Variants in MROH1 observed in about 807,000 individuals in gnomAD.
MROH1 encodes maestro heat like repeat family member 1.
In MROH1, 117 loss-of-function variants were observed where a neutral mutation model predicts 116.5. That is an observed-to-expected ratio of 1.00 (90% CI 0.86 to 1.17). The LOEUF (loss-of-function observed/expected upper bound fraction) is 1.17. MROH1 is among the 50% of genes most tolerant of loss of function. MROH1 has a pLI of 0.00. For synonymous variants in MROH1, 921 were observed against 583.9 expected, an observed-to-expected ratio of 1.58 and a Z score of -8.32; for missense variants, 1,873 against 1,338.5, an observed-to-expected ratio of 1.40 and a Z score of -6.23.
chr8:144,187,680 C>T (rs531258578), intron 7 of MROH1, among the ~76,000 whole-genome samples: 8 of 152,264 alleles, frequency 5.3e-5, no homozygotes, highest in African/African-American at 1.9e-4. Context: ...ATGAGAGTCC[C>T]GCAGGGCCTG....
chr8:144,167,883 G>A (rs1157733946), intron 3 of MROH1, among the ~76,000 whole-genome samples: 5 of 152,146 alleles, frequency 3.3e-5, no homozygotes, highest in African/African-American at 7.2e-5. Flanking sequence ...ATAGACCCTC[G>A]GGGAGCCTTC....
At position 144,173,488 on chromosome 8, in the gene MROH1, G is replaced by A. The variant is rs146566766; in HGVS notation, c.168+5048G>A. On this transcript the variant is annotated intron_variant, in intron 4 of 43. Coordinates refer to ENST00000326134, the MANE Select transcript of MROH1 (RefSeq NM_032450.3). ...CCAGGCTGGGCTGGAGTACAATGGC[G>A]CAAACCGGCTCGCTGCAACCTCTGC... Among the ~76,000 whole-genome samples, 261 of 150,340 alleles carry A rather than the reference G, an allele frequency of 1.7e-3. 1 individual carries two copies. In the East Asian group the frequency reaches 0.031, roughly 18 times the overall value.
At position 144,221,081 on chromosome 8, in the gene MROH1, C is replaced by T. The variant is rs956058767; in HGVS notation, c.1215+408C>T. On this transcript the variant is annotated intron_variant, in intron 13 of 43. Transcript: ENST00000326134. ...ACACACAGAGCTCCCAGCCATCCTC[C>T]CCTGGGGTCGCGGACAGTGTTAGAC... Among the ~76,000 whole-genome samples, 4 of 152,290 alleles carry T rather than the reference C, an allele frequency of 2.6e-5. No homozygotes were observed. In the East Asian group the frequency reaches 7.7e-4, roughly 29 times the overall value.
intron 12 of MROH1, among the ~76,000 whole-genome samples, chr8:144,217,707 G>A (rs1458060569): frequency 6.6e-6 from 1 of 152,194 alleles, no homozygotes; most frequent in Non-Finnish European, 1.5e-5. Flanking sequence ...GGCTTCAAGC[G>A]ATTCTTGCAC....
intron 11 of MROH1, 75 bp downstream of exon 11, chr8:144,199,275 A>C (rs997009652): frequency 4.1e-6 from 6 of 1,465,716 alleles, no homozygotes; most frequent in Non-Finnish European, 5.6e-6. Flanking sequence ...TATGTGGAGG[A>C]TGGTGGTGGC....
At chr8:144,229,965 CAG>C (rs147930440) in intron 14 of MROH1, among the ~76,000 whole-genome samples, 9,157 of 152,022 alleles carry the variant, frequency 0.06, 942 homozygotes, top group African/African-American at 0.21. Flanking sequence ...ACCTGGGAGG[CAG>C]AGGCTACAGT....
chr8:144,233,336 C>A (rs900927358), intron 14 of MROH1, among the ~76,000 whole-genome samples: 4 of 149,664 alleles, frequency 2.7e-5, no homozygotes, highest in African/African-American at 5.0e-5. Flanking sequence ...CCCTCCCCCG[C>A]AGCTCCTGCA....
rs1844886772 is a variant in MROH1, at chr8:144,260,748, T to C, written c.4452T>C (p.Cys1484=). The change falls in exon 40 of 44, where the codon TGT becomes TGC. Residue 1484 remains cysteine, a synonymous_variant. Transcript: ENST00000326134. ...GHLNKVCHGD[C]EDVFLDQVVG... ...TTAACAAGGTCTGCCACGGAGACTG[T>C]GAGGACGTCTTCCTGGACCAGGTGG... is the stretch of plus-strand genomic sequence containing the variant. 1 of 779,292 alleles carries C rather than the reference T, an allele frequency of 1.3e-6. No individual in the cohort carries two copies. Among genetic ancestry groups the C allele is most frequent in the African/African-American group, 1.7e-5 (1 of 59,150 alleles). The allele number at this position is 779,292 out of a possible 1,614,324, so 48.3% of individuals were successfully genotyped here. A position where few individuals can be genotyped will look rare whatever the true frequency, so the allele number is the denominator to read the frequency against.
rs72614050 is a variant in MROH1, at chr8:144,179,093, G to A, written c.169-362G>A. Among the ~76,000 whole-genome samples, 887 of 152,192 alleles carry A rather than the reference G, an allele frequency of 5.8e-3. 41 individuals are homozygous for A. The East Asian group carries it at 0.12, about 21-fold the overall frequency. ...CTGAGGCCATGACCACTGAGCTGGG[G>A]ACAGGAGTGTGCTCCTCCTCTGACA... On this transcript the variant is annotated intron_variant, in intron 4 of 43. Transcript: ENST00000326134.
At position 144,260,777 on chromosome 8, in the gene MROH1, G is replaced by A; in HGVS notation, c.4481G>A (p.Gly1494Asp). ...GACGTCTTCCTGGACCAGGTGGTGGGCGGGCTGGCGCCCCTGCTGCTGCAC... is the reference window on the plus strand; with the variant it reads ...GACGTCTTCCTGGACCAGGTGGTGGACGGGCTGGCGCCCCTGCTGCTGCAC... ...CEDVFLDQVV[G>D]GLAPLLLHLQ... Residue 1494 changes from glycine (G) to aspartate (D), a missense_variant, in exon 40 of 44, where the codon GGC becomes GAC. Gly to Asp is a moderately conservative substitution (Grantham distance 94). Coordinates refer to ENST00000326134, the MANE Select transcript of MROH1 (RefSeq NM_032450.3). 3 of 778,628 alleles carry A rather than the reference G, an allele frequency of 3.9e-6. No homozygotes were observed. In the South Asian group the frequency reaches 4.0e-5, roughly 10 times the overall value. The allele number at this position is 778,628 out of a possible 1,614,324, so 48.2% of individuals were successfully genotyped here. A position where few individuals can be genotyped will look rare whatever the true frequency, so the allele number is the denominator to read the frequency against.
chr8:144,256,833 G>A (rs2129749716), intron 35 of MROH1, among the ~76,000 whole-genome samples: 1 of 152,380 alleles, frequency 6.6e-6, no homozygotes, highest in East Asian at 1.9e-4. Flanking sequence ...CGTTAGATTT[G>A]TCGAAGCTGG....
chr8:144,152,298 AAG>A (rs1816983152), intron 1 of MROH1, among the ~76,000 whole-genome samples: 1 of 152,228 alleles, frequency 6.6e-6, no homozygotes, highest in African/African-American at 2.4e-5. Flanking sequence ...AAAACAGGAT[AAG>A]AGGGGACTAC....
intron 14 of MROH1, among the ~76,000 whole-genome samples, chr8:144,238,254 G>C (rs1051138775): frequency 1.3e-5 from 2 of 151,194 alleles, no homozygotes; most frequent in Non-Finnish European, 2.9e-5. Flanking sequence ...CAAATATGCC[G>C]CTTTGTGGTT....
chr8:144,221,657 G>A (rs1836765553), intron 13 of MROH1, among the ~76,000 whole-genome samples: 2 of 152,082 alleles, frequency 1.3e-5, no homozygotes, highest in Admixed American at 1.3e-4. Flanking sequence ...ACTCCCCAGC[G>A]TTCAGAGCTC....
chr8:144,219,086 G>T (rs1269918225), intron 12 of MROH1, among the ~76,000 whole-genome samples: 5 of 150,714 alleles, frequency 3.3e-5, no homozygotes, highest in African/African-American at 1.2e-4. Flanking sequence ...GCAGTGGTGC[G>T]ATCTCAGCTC....
chr8:144,248,217 C>A (rs908927546), intron 31 of MROH1, among the ~76,000 whole-genome samples: 1 of 152,188 alleles, frequency 6.6e-6, no homozygotes, highest in Admixed American at 6.5e-5. Flanking sequence ...GGCACCGCGT[C>A]CCCTCCCCGA....
At chr8:144,190,521 A>G (rs1416645507) in intron 7 of MROH1, among the ~76,000 whole-genome samples, 1 of 152,166 alleles carries the variant, frequency 6.6e-6, no homozygotes, top group African/African-American at 2.4e-5. Context: ...CTGTGTCACA[A>G]CACACCAGCC....
rs1201895815 is a variant in MROH1, at chr8:144,261,734, C to T, written c.4920C>T (p.Leu1640=). The T allele has an allele frequency of 5.6e-6, 4 of 714,092 alleles. No homozygotes were observed. The highest frequency in any genetic ancestry group is 5.3e-5 in the East Asian group (2 of 37,802). 44.2% of individuals were successfully genotyped at this position (714,092 alleles called of 1,614,324 possible). The part of the protein sequence containing the change: ...AAEALGRLVK[L]A Reference sequence around the variant, plus strand: ...AGGCCCTGGGCCGCCTGGTGAAGCTCGCCTAAGGCTCCGGCCAGCACCCCC... The same window carrying T: ...AGGCCCTGGGCCGCCTGGTGAAGCTTGCCTAAGGCTCCGGCCAGCACCCCC... Residue 1640 remains leucine, a synonymous_variant, in exon 44 of 44, where the codon CTC becomes CTT. Transcript: ENST00000326134.
intron 12 of MROH1, chr8:144,213,302 A>T: frequency 2.0e-6 from 1 of 511,166 alleles, no homozygotes; most frequent in East Asian, 2.9e-5. Flanking sequence ...ATGATCTTCG[A>T]CCTCATGCTT....
Sources: gnomAD v4.1 joint callset for allele counts (sites outside exome capture counted in the v4.1 genomes callset) on GRCh38, gnomAD v4.1.1 for gene constraint, MANE v1.5 for transcripts, NCBI Gene and HGNC (gene_info 2026-07-23, HGNC 2026-07-21) for gene names.